The following ZFC3H1 variants were observed in gnomAD, a reference collection of about 807,000 sequenced individuals.
ZFC3H1 encodes zinc finger C3H1 domain-containing protein.
ZFC3H1 carries 71 observed loss-of-function variants against 243.7 expected under a neutral mutation model. The ratio of observed to expected loss-of-function variants is 0.29; its 90% CI spans 0.24 to 0.36. ZFC3H1 has a LOEUF of 0.36. ZFC3H1 is among the 10% of genes least tolerant of loss of function. ZFC3H1 has a pLI of 1.00. For missense variants in ZFC3H1, 1,966 were observed against 2,317.1 expected (o/e 0.85, Z 3.11); for synonymous variants, 838 against 813.0 (o/e 1.03, Z -0.52).
Position 71,656,954 on chromosome 12 carries a change from G to T in ZFC3H1, c.946C>A (p.Arg316Ser), listed in dbSNP as rs561382640. The T allele has an allele frequency of 9.8e-5, 158 of 1,613,422 alleles. No individual in the cohort carries two copies. Among genetic ancestry groups the T allele is most frequent in the Non-Finnish European group, 1.2e-4 (147 of 1,179,820 alleles). The change falls in exon 2 of 35, where the codon CGT (arginine) becomes AGT (serine). Residue 316 changes from arginine (R) to serine (S), a missense_variant. Arg to Ser is a moderately radical substitution (Grantham distance 110). Around this residue, in one of 4 missense-constraint regions of ZFC3H1, gnomAD observed 484 missense variants for 449.7 expected, o/e 1.08. Coordinates refer to ENST00000378743, the MANE Select transcript of ZFC3H1 (RefSeq NM_144982.5). Reference sequence around the variant, plus strand: ...GCTCCATCTTTAACTTTTTTCAAACGGTTCTTATCTCCTGGTAAAGTCAAT... The same window carrying T: ...GCTCCATCTTTAACTTTTTTCAAACTGTTCTTATCTCCTGGTAAAGTCAAT... The part of the protein sequence containing the change: ...QKLTLPGDKN[R>S]LKKVKDGAKP...
At chr12:71,634,891 T>C in intron 10 of ZFC3H1, 66 bp from the exon 11 acceptor site, 2 of 1,524,438 alleles carry the variant, frequency 1.3e-6, no homozygotes, top group Non-Finnish European at 1.8e-6. Flanking sequence ...TACTAAGATT[T>C]ATATTTTACA....
intron 6 of ZFC3H1, among the ~76,000 whole-genome samples, chr12:71,638,942 T>C (rs1459704558): frequency 1.3e-5 from 2 of 152,206 alleles, no homozygotes; most frequent in Non-Finnish European, 1.5e-5. Flanking sequence ...CATTATTCCC[T>C]TCTTGTGGAG....
chr12:71,660,956 A>G (rs931713373), intron 1 of ZFC3H1, among the ~76,000 whole-genome samples: 2 of 151,608 alleles, frequency 1.3e-5, no homozygotes, highest in Admixed American at 1.3e-4. Flanking sequence ...CCCCAAAAAA[A>G]AATTTTTTTA....
At chr12:71,618,291 C>CA (rs200064611) in intron 27 of ZFC3H1, among the ~76,000 whole-genome samples, 8,756 of 147,348 alleles carry the variant, frequency 0.059, 357 homozygotes, top group South Asian at 0.09. Context: ...AAAAAAAAAA[C>CA]AAAAACAAAA....
At chr12:71,626,557 CAAG>C (rs1880172126) in intron 21 of ZFC3H1, 111 bp from the exon 22 acceptor site, 4 of 974,856 alleles carry the variant, frequency 4.1e-6, no homozygotes, top group Non-Finnish European at 5.7e-6. Context: ...TAGAATTTAC[CAAG>C]AAGTCAGGAT....
Position 71,624,306 on chromosome 12 carries a change from C to T in ZFC3H1, c.4318-14G>A. 6.4e-7 allele frequency: 1 copy of T among 1,570,648 alleles called. No homozygotes were observed. The highest frequency in any genetic ancestry group is 8.6e-7 in the Non-Finnish European group (1 of 1,158,936). The stretch of plus-strand genomic sequence containing the variant: ...TAGGTGTAGAAACTGCCCAAAGGGC[C>T]TTTATATTATTAATGTTGCCTTTCA... On this transcript the variant is annotated splice_polypyrimidine_tract_variant and intron_variant, in intron 22 of 34. Transcript: ENST00000378743.
In ZFC3H1 at chr12:71,656,935, T is replaced by C. The variant is rs1277778952; in HGVS notation, c.965A>G (p.Asp322Gly). The C allele has an allele frequency of 1.9e-6, 3 of 1,613,720 alleles. No individual in the cohort carries two copies. The highest frequency in any genetic ancestry group is 2.2e-5 in the South Asian group (2 of 91,046). ...GDKNRLKKVK[D>G]GAKPLSLKSD... ...TTTCAGGGAAAGTGGTTTTGCTCCA[T>C]CTTTAACTTTTTTCAAACGGTTCTT... The change falls in exon 2 of 35, where the codon GAT (aspartate) becomes GGT (glycine). Residue 322 changes from aspartate (D) to glycine (G), a missense_variant. Physicochemically the swap from Asp to Gly is moderately conservative, Grantham distance 94 (BLOSUM62 -1). Around this residue, in one of 4 missense-constraint regions of ZFC3H1, gnomAD observed 484 missense variants for 449.7 expected, o/e 1.08. Transcript: ENST00000378743.
intron 27 of ZFC3H1, among the ~76,000 whole-genome samples, chr12:71,615,896 A>G (rs1197763479): frequency 1.3e-5 from 2 of 152,208 alleles, no homozygotes. Context: ...AGATTAAACA[A>G]AACACCATAA....
chr12:71,638,526 AT>A lies in ZFC3H1; in HGVS notation c.1628-12del, dbSNP rs542287271. Reference sequence around the variant, plus strand: ...GCACTGGTGAAGGAGCTGTAAAAAAATTTTTTGTTAAGAGTTTAATAACAGA... The same window carrying A: ...GCACTGGTGAAGGAGCTGTAAAAAAATTTTTGTTAAGAGTTTAATAACAGA... On this transcript the variant is annotated splice_polypyrimidine_tract_variant and intron_variant, in intron 6 of 34. Coordinates refer to ENST00000378743, the MANE Select transcript of ZFC3H1 (RefSeq NM_144982.5). 91 of 1,588,266 alleles carry A rather than the reference AT, an allele frequency of 5.7e-5. No homozygotes were observed. In the African/African-American group the frequency reaches 9.9e-4, roughly 17 times the overall value.
In ZFC3H1 at chr12:71,610,531, G is replaced by A. The variant is rs1426914427; in HGVS notation, c.5867C>T (p.Thr1956Ile). 1 of 1,613,620 alleles carries A rather than the reference G, an allele frequency of 6.2e-7. No homozygotes were observed. The highest frequency in any genetic ancestry group is 1.1e-5 in the South Asian group (1 of 91,062). Residue 1956 changes from threonine (T) to isoleucine (I), a missense_variant, in exon 35 of 35, where the codon ACT (threonine) becomes ATT (isoleucine). Thr to Ile is a moderately conservative substitution (Grantham distance 89). Coordinates refer to ENST00000378743, the MANE Select transcript of ZFC3H1 (RefSeq NM_144982.5). ...LLFEASEGGK[T>I]DNLRKLVSKC... is the part of the protein sequence containing the mutation. ...GGAAACTAGTTTTCTCAGGTTATCAGTTTTACCTCCTTCTGATGCTTCAAA... is the reference window on the plus strand; with the variant it reads ...GGAAACTAGTTTTCTCAGGTTATCAATTTTACCTCCTTCTGATGCTTCAAA...
chr12:71,648,282 G>A (rs562694338), intron 2 of ZFC3H1, among the ~76,000 whole-genome samples: 17 of 152,300 alleles, frequency 1.1e-4, no homozygotes, highest in African/African-American at 3.8e-4. Context: ...AAAAGCATCA[G>A]TAGAGGCAGC....
chr12:71,610,342 T>C lies in ZFC3H1; in HGVS notation c.*86A>G. ...ACGCTTGTCTGCCTTACACAGACCT[T>C]AGCCAGGGATCAGCCTAATCTTGAA... On this transcript the variant is annotated 3_prime_UTR_variant, in exon 35 of 35. Transcript: ENST00000378743. The C allele has an allele frequency of 6.7e-7, 1 of 1,498,136 alleles. No individual in the cohort carries two copies. Among genetic ancestry groups the C allele is most frequent in the South Asian group, 1.3e-5 (1 of 77,172 alleles). 92.8% of individuals were successfully genotyped at this position (1,498,136 alleles called of 1,614,324 possible). A position where few individuals can be genotyped will look rare whatever the true frequency, so the allele number is the denominator to read the frequency against.
intron 3 of ZFC3H1, among the ~76,000 whole-genome samples, chr12:71,646,611 T>C (rs1880736346): frequency 6.6e-6 from 1 of 152,216 alleles, no homozygotes; most frequent in Non-Finnish European, 1.5e-5. Context: ...TTTGTTTTCT[T>C]GTTTTAAATT....
Position 71,626,277 on chromosome 12 carries a change from A to T in ZFC3H1, c.4300T>A (p.Tyr1434Asn), listed in dbSNP as rs770866649. ...CETAVEYAPDYQSFWTFLHLE... is the reference protein window; with the variant it reads ...CETAVEYAPDNQSFWTFLHLE... ...CTACTCACAGTCCAAAAGCTTTGAT[A>T]ATCTGGAGCATATTCAACAGCTGTT... The change falls in exon 22 of 35, where the codon TAT (tyrosine) becomes AAT (asparagine). Residue 1434 changes from tyrosine (Y) to asparagine (N), a missense_variant. Around this residue, in one of 4 missense-constraint regions of ZFC3H1, gnomAD observed 1,383 missense variants for 1,723.7 expected, o/e 0.80. Coordinates refer to ENST00000378743, the MANE Select transcript of ZFC3H1 (RefSeq NM_144982.5). 6.2e-7 allele frequency: 1 copy of T among 1,613,918 alleles called. No homozygotes were observed. Among genetic ancestry groups the T allele is most frequent in the South Asian group, 1.1e-5 (1 of 91,068 alleles).
At chr12:71,634,134 T>G in intron 12 of ZFC3H1, 21 bp downstream of exon 12, 1 of 1,602,980 alleles carries the variant, frequency 6.2e-7, no homozygotes, top group African/African-American at 1.3e-5. Context: ...CAATTAGATA[T>G]GTGAAGATAA....
chr12:71,633,498 T>G (rs1220366106), intron 12 of ZFC3H1, 60 bp from the exon 13 acceptor site: 5 of 1,400,036 alleles, frequency 3.6e-6, no homozygotes, highest in Non-Finnish European at 3.8e-6. Context: ...ACTGTCAGAA[T>G]AAAAAAATTT....
intron 29 of ZFC3H1, 37 bp downstream of exon 29, chr12:71,614,797 C>A: frequency 6.2e-7 from 1 of 1,604,004 alleles, no homozygotes; most frequent in South Asian, 1.1e-5. Context: ...CCCCTTTATC[C>A]CCAAATCTCA....
rs774960313 is a variant in ZFC3H1, at chr12:71,611,868, C to T, written c.5647G>A (p.Glu1883Lys). 5.8e-5 allele frequency: 93 copies of T among 1,602,232 alleles called. 3 individuals are homozygous for T. In the South Asian group the frequency reaches 1.0e-3, roughly 18 times the overall value. Reference protein sequence around the residue: ...LALRLLQHEWEESNVQILKLQ... With the variant: ...LALRLLQHEWKESNVQILKLQ... ...TTCAGAATCTGAACATTGCTTTCTT[C>T]CCATTCATGTTGAAGTAACCTGTAA... The change falls in exon 32 of 35, where the codon GAA becomes AAA. Residue 1883 changes from glutamate to lysine, a missense_variant. This residue lies in a region of ZFC3H1 where 1,383 missense variants were observed against 1,723.7 expected (regional missense o/e 0.80). Transcript: ENST00000378743.
chr12:71,651,545 A>C (rs1376017467), intron 2 of ZFC3H1, among the ~76,000 whole-genome samples: 2 of 152,250 alleles, frequency 1.3e-5, no homozygotes, highest in East Asian at 3.8e-4. Context: ...GAATGAAATA[A>C]AAAACATCCA....
Sources: allele counts gnomAD v4.1 joint callset (sites outside exome capture counted in the v4.1 genomes callset), GRCh38; gene constraint gnomAD v4.1.1; regional missense constraint gnomAD v4.1.1; transcripts MANE v1.5; gene names NCBI Gene and HGNC (gene_info 2026-07-23, HGNC 2026-07-21).